Variants in DACH1 observed in about 807,000 individuals in gnomAD.
The protein encoded by DACH1 is dachshund homolog 1.
A neutral mutation model predicts 54.2 loss-of-function variants in DACH1; 12 were observed. The observed-to-expected ratio is 0.22, with a 90% CI of 0.14 to 0.36. DACH1 has a LOEUF of 0.36. Ranked by LOEUF, DACH1 falls within the 10% of genes least tolerant of loss-of-function variation. The probability of loss-of-function intolerance (pLI) is 1.00; values close to 1 mark genes in which losing one functional copy is unlikely to be tolerated. For missense variants in DACH1, 805 were observed against 929.8 expected (o/e 0.87, Z 1.75); for synonymous variants, 386 against 366.2 (o/e 1.05, Z -0.62).
At chr13:71,623,150 T>C (rs1293321020) in intron 3 of DACH1, among the ~76,000 whole-genome samples, 1 of 151,752 alleles carries the variant, frequency 6.6e-6, no homozygotes, top group Non-Finnish European at 1.5e-5. Flanking sequence ...AAAATGATTT[T>C]TTTAATATAG....
chr13:71,653,924 A>T (rs76978727), intron 2 of DACH1, among the ~76,000 whole-genome samples: 5 of 152,198 alleles, frequency 3.3e-5, no homozygotes, highest in Non-Finnish European at 7.3e-5. Flanking sequence ...AGAAAAAAAA[A>T]GAAAGAATAG....
intron 10 of DACH1, among the ~76,000 whole-genome samples, chr13:71,458,475 A>C (rs1247283182): frequency 6.6e-6 from 1 of 151,934 alleles, no homozygotes; most frequent in African/African-American, 2.4e-5. Context: ...ATACTTTATT[A>C]AATGAGAATT....
At chr13:71,569,188 T>C (rs1885058189) in intron 4 of DACH1, among the ~76,000 whole-genome samples, 1 of 152,138 alleles carries the variant, frequency 6.6e-6, no homozygotes, top group Non-Finnish European at 1.5e-5. Context: ...TTTTTTCTAC[T>C]TGGTTCTATT....
chr13:71,456,037 A>T (rs938550122), intron 10 of DACH1, among the ~76,000 whole-genome samples: 1 of 152,148 alleles, frequency 6.6e-6, no homozygotes, highest in Non-Finnish European at 1.5e-5. Flanking sequence ...TGTAATGCTA[A>T]TAGATAATTT....
At chr13:71,645,234 T>G (rs1878186387) in intron 2 of DACH1, among the ~76,000 whole-genome samples, 1 of 152,156 alleles carries the variant, frequency 6.6e-6, no homozygotes, top group Admixed American at 6.5e-5. Flanking sequence ...CTTTATTTAC[T>G]GCATAATTTT....
chr13:71,780,051 G>A (rs1290996449), intron 1 of DACH1, among the ~76,000 whole-genome samples: 2 of 152,000 alleles, frequency 1.3e-5, no homozygotes, highest in African/African-American at 4.8e-5. Flanking sequence ...GGATCAAATG[G>A]GATATTATAT....
chr13:71,866,898 A>G lies in DACH1; in HGVS notation c.-129T>C. 1 of 669,968 alleles carries G rather than the reference A, an allele frequency of 1.5e-6. No homozygotes were observed. Among genetic ancestry groups the G allele is most frequent in the Non-Finnish European group, 2.1e-6 (1 of 477,980 alleles). The allele number at this position is 669,968 out of a possible 1,614,324, so 41.5% of individuals were successfully genotyped here. On this transcript the variant is annotated 5_prime_UTR_variant, in exon 1 of 11. Transcript: ENST00000613252. ...GCAACAACAACTCCGGGAGAGAACG[A>G]GAAGGAGAAAGGGAGAGAAGGGGGA... is the stretch of plus-strand genomic sequence containing the variant.
Position 71,866,726 on chromosome 13 carries a change from G to C in DACH1, c.44C>G (p.Pro15Arg). 6.9e-7 allele frequency: 1 copy of C among 1,442,336 alleles called. No homozygotes were observed. Among genetic ancestry groups the C allele is most frequent in the Non-Finnish European group, 9.2e-7 (1 of 1,088,910 alleles). 89.3% of individuals were successfully genotyped at this position (1,442,336 alleles called of 1,614,324 possible). Residue 15 changes from proline (P) to arginine (R), a missense_variant, in exon 1 of 11, where the codon CCC becomes CGC. Physicochemically the swap from Pro to Arg is moderately radical, Grantham distance 103. Around this residue, in one of 3 missense-constraint regions of DACH1, gnomAD observed 305 missense variants for 308.7 expected, o/e 0.99. Transcript: ENST00000613252. ...AALIPPTQLV[P>R]PQPPISTSAS... Reference sequence around the variant, plus strand: ...AGACGTGGAGATTGGGGGTTGAGGGGGGACCAGCTGGGTCGGAGGGATCAA... The same window carrying C: ...AGACGTGGAGATTGGGGGTTGAGGGCGGACCAGCTGGGTCGGAGGGATCAA...
In DACH1 at chr13:71,760,142, C is replaced by T. The variant is rs527446048; in HGVS notation, c.849-78232G>A. ...CCAATTTACTCCTCTTAGTTCTTTTCATTCTGTTTGCTGATTCTGACAACT... is the reference window on the plus strand; with the variant it reads ...CCAATTTACTCCTCTTAGTTCTTTTTATTCTGTTTGCTGATTCTGACAACT... On this transcript the variant is annotated intron_variant, in intron 1 of 10. Transcript: ENST00000613252. Among the ~76,000 whole-genome samples the T allele has an allele frequency of 4.6e-5, 7 of 152,310 alleles. No homozygotes were observed. The East Asian group carries it at 1.4e-3, about 29-fold the overall frequency.
At position 71,462,513 on chromosome 13, in the gene DACH1, A is replaced by G. The variant is rs113088180; in HGVS notation, c.2083+12628T>C. 6.9e-3 allele frequency among the ~76,000 whole-genome samples: 1,053 copies of G among 151,722 alleles called. 11 individuals are homozygous for G. Among genetic ancestry groups the G allele is most frequent in the African/African-American group, 0.024 (991 of 41,352 alleles). ...GCCTCAAAGAACAGCTATGTATCAC[A>G]TACAGAAAAAAAAAATCATTGACTG... On this transcript the variant is annotated intron_variant, in intron 10 of 10. Transcript: ENST00000613252.
chr13:71,475,961 T>G (rs1462315575), intron 8 of DACH1, 112 bp from the exon 9 acceptor site: 2 of 754,550 alleles, frequency 2.7e-6, no homozygotes, highest in African/African-American at 1.8e-5. Context: ...CCTGCTGAAC[T>G]GAGTCTACCT....
intron 2 of DACH1, among the ~76,000 whole-genome samples, chr13:71,648,817 C>T (rs944822184): frequency 2.0e-5 from 3 of 152,140 alleles, no homozygotes; most frequent in African/African-American, 7.2e-5. Flanking sequence ...TGACAGTTTC[C>T]TTCCTATAAT....
intron 6 of DACH1, among the ~76,000 whole-genome samples, chr13:71,554,754 C>G (rs1447139629): frequency 2.0e-5 from 3 of 151,972 alleles, no homozygotes; most frequent in Admixed American, 1.3e-4. Context: ...GAAATAACTT[C>G]CAAATAACAA....
chr13:71,481,055 A>G (rs1307963610), intron 7 of DACH1, among the ~76,000 whole-genome samples: 2 of 152,212 alleles, frequency 1.3e-5, no homozygotes, highest in Non-Finnish European at 2.9e-5. Context: ...GGAACAAACA[A>G]TTAGTAACAA....
In DACH1 at chr13:71,866,850, A is replaced by AG. The variant is rs954581347; in HGVS notation, c.-82dup. ...ACCCCCGGGAGGGGAAGGGGAAAAA[A>AG]GGGGGGAGAAGGAGCGAGGGGGGCA... On this transcript the variant is annotated 5_prime_UTR_variant, in exon 1 of 11. Transcript: ENST00000613252. 9.3e-7 allele frequency: 1 copy of AG among 1,078,926 alleles called. No homozygotes were observed. 66.8% of individuals were successfully genotyped at this position (1,078,926 alleles called of 1,614,324 possible).
intron 6 of DACH1, among the ~76,000 whole-genome samples, chr13:71,502,305 C>T (rs538743614): frequency 1.1e-4 from 16 of 152,200 alleles, no homozygotes; most frequent in South Asian, 6.2e-4. Flanking sequence ...AGATACCTAT[C>T]CCAGAAATGA....
intron 1 of DACH1, among the ~76,000 whole-genome samples, chr13:71,820,820 G>A (rs1034128849): frequency 2.0e-5 from 3 of 152,172 alleles, no homozygotes; most frequent in Non-Finnish European, 2.9e-5. Context: ...AAAGTGGAAG[G>A]AGAGGTATAT....
At chr13:71,753,878 A>G (rs537795984) in intron 1 of DACH1, among the ~76,000 whole-genome samples, 2 of 152,314 alleles carry the variant, frequency 1.3e-5, no homozygotes, top group Admixed American at 6.5e-5. Flanking sequence ...AAATCATACA[A>G]AAGTAATATA....
chr13:71,481,153 AT>A (rs1877998134), intron 7 of DACH1, among the ~76,000 whole-genome samples: 1 of 152,124 alleles, frequency 6.6e-6, no homozygotes, highest in South Asian at 2.1e-4. Context: ...CCAAATTCTA[AT>A]TTTCTGCTCT....
Sources: allele counts gnomAD v4.1 joint callset (sites outside exome capture counted in the v4.1 genomes callset), GRCh38; gene constraint gnomAD v4.1.1; regional missense constraint gnomAD v4.1.1; transcripts MANE v1.5; gene names NCBI Gene and HGNC (gene_info 2026-07-23, HGNC 2026-07-21).